The following CCDC136 variants were observed in gnomAD, a reference collection of about 807,000 sequenced individuals.
The protein encoded by CCDC136 is coiled-coil domain-containing protein 136.
CCDC136 carries 100 observed loss-of-function variants against 141.2 expected under a neutral mutation model. That is an observed-to-expected ratio of 0.71 (90% confidence interval 0.60 to 0.84). The LOEUF (loss-of-function observed/expected upper bound fraction) is 0.84, where lower values mean the gene tolerates loss of function less well. CCDC136 is among the 40% of genes least tolerant of loss of function. CCDC136 has a pLI of 0.00. For synonymous variants in CCDC136, 474 were observed against 531.9 expected (o/e 0.89, Z 1.50); for missense variants, 1,206 against 1,379.4 (o/e 0.87, Z 1.99).
At position 128,806,698 on chromosome 7, in the gene CCDC136, GC is replaced by G. The variant is rs756818195; in HGVS notation, c.1261del (p.Arg421GlyfsTer64). ...CCCCCTCTACCATAGGAGTTACTGT[GC>G]CGGCTGCAGAAGCTGCACCTCCAGC... Reference protein sequence around the residue: ...VENQSEKELLCRLQKLHLQHQ... With the variant: ...VENQSEKELLXRLQKLHLQHQ... On this transcript the variant is annotated frameshift_variant, in exon 9 of 18. Coordinates refer to ENST00000297788, the MANE Select transcript of CCDC136 (RefSeq NM_022742.5). LOFTEE classifies it high-confidence loss of function. The G allele has an allele frequency of 6.2e-7, 1 of 1,610,044 alleles. No homozygotes were observed. Among genetic ancestry groups the G allele is most frequent in the African/African-American group, 1.3e-5 (1 of 74,966 alleles).
chr7:128,813,232 C>A (rs756380880), intron 14 of CCDC136, among the ~76,000 whole-genome samples: 1 of 152,230 alleles, frequency 6.6e-6, no homozygotes, highest in Non-Finnish European at 1.5e-5. Context: ...AATCTTCTTT[C>A]ATCATTTTGT....
At chr7:128,803,466 T>C (rs565779612) in intron 4 of CCDC136, among the ~76,000 whole-genome samples, 2 of 152,072 alleles carry the variant, frequency 1.3e-5, no homozygotes, top group African/African-American at 4.8e-5. Context: ...GCCTGGGCAA[T>C]GTGGCGGAAC....
intron 3 of CCDC136, among the ~76,000 whole-genome samples, chr7:128,796,636 T>A (rs1273109935): frequency 6.6e-6 from 1 of 150,982 alleles, no homozygotes; most frequent in Admixed American, 6.6e-5. Context: ...CTCAGAACAG[T>A]GAGTCCTGTC....
At chr7:128,819,201 G>A (rs1164477411) in intron 17 of CCDC136, among the ~76,000 whole-genome samples, 4 of 152,212 alleles carry the variant, frequency 2.6e-5, no homozygotes, top group African/African-American at 4.8e-5. Flanking sequence ...GACCCAGCCC[G>A]GCCCAATCAG....
chr7:128,804,614 C>G (rs1804544699), intron 4 of CCDC136, 36 bp from the exon 5 acceptor site: 1 of 1,327,604 alleles, frequency 7.5e-7, no homozygotes, highest in South Asian at 1.3e-5. Context: ...CTTTCCTTTC[C>G]TCCCGGTCTC....
In CCDC136 at chr7:128,804,634, T is replaced by C. The variant is rs1398702426; in HGVS notation, c.671-16T>C. 1.3e-6 allele frequency: 2 copies of C among 1,493,148 alleles called. No individual in the cohort carries two copies. The highest frequency in any genetic ancestry group is 9.2e-7 in the Non-Finnish European group (1 of 1,092,300). The allele number at this position is 1,493,148 out of a possible 1,614,324, so 92.5% of individuals were successfully genotyped here. On this transcript the variant is annotated splice_polypyrimidine_tract_variant and intron_variant, in intron 4 of 17. Transcript: ENST00000297788. The stretch of plus-strand genomic sequence containing the variant: ...CTTTCCTCCCGGTCTCATCTCTCTC[T>C]GCCTGTCCTCTGCAGAAGAACTGCA...
At position 128,794,601 on chromosome 7, in the gene CCDC136, G is replaced by A. The variant is rs374903912; in HGVS notation, c.270G>A (p.Gln90=). 1 of 1,547,792 alleles carries A rather than the reference G, an allele frequency of 6.5e-7. No individual in the cohort carries two copies. The highest frequency in any genetic ancestry group is 1.4e-5 in the African/African-American group (1 of 72,940). The change falls in exon 2 of 18, where the codon CAG becomes CAA. Residue 90 remains glutamine (Q), a splice_region_variant and synonymous_variant. Transcript: ENST00000297788. This position sits in a 1 kb window ranked among gnomAD's most constrained non-coding sequence, Gnocchi z 4.3. The part of the protein sequence containing the change: ...GQHEDDSLEL[Q]GLLEDERLAS... ...ATGAGGATGACTCCTTGGAGCTACA[G>A]GGTGAGTGCCTGGGCCAGGGCCCAG...
rs910621085 is a variant in CCDC136 at position 128,794,672 on chromosome 7, A to G, written c.272-22A>G. ...GCACTCCCCTGGATCCGAGCTTGAC[A>G]CTGGTGCCCCTCTCCCTGCAGGGCT... On this transcript the variant is annotated intron_variant, in intron 2 of 17. Transcript: ENST00000297788. The surrounding 1 kb of genome is among the most constrained non-coding windows in gnomAD (Gnocchi z 4.3). 11 of 1,546,710 alleles carry G rather than the reference A, an allele frequency of 7.1e-6. No homozygotes were observed. Among genetic ancestry groups the G allele is most frequent in the East Asian group, 4.9e-5 (2 of 40,822 alleles).
At chr7:128,791,515 G>C, upstream of CCDC136, 1 of 1,294,774 alleles carries the variant, frequency 7.7e-7, no homozygotes. This position sits in a 1 kb window ranked among gnomAD's most constrained non-coding sequence, Gnocchi z 7.1. Context: ...CGCCGGAGCC[G>C]GCGCGGGAGC....
chr7:128,796,726 T>C (rs1178416752), intron 3 of CCDC136, among the ~76,000 whole-genome samples: 2 of 123,690 alleles, frequency 1.6e-5, no homozygotes, highest in East Asian at 3.0e-4. Flanking sequence ...ATTCAGAATA[T>C]ATATATATAT....
At chr7:128,811,770 A>G (rs1805755303) in intron 12 of CCDC136, 30 bp from the exon 13 acceptor site, 1 of 1,537,030 alleles carries the variant, frequency 6.5e-7, no homozygotes, top group Non-Finnish European at 8.7e-7. Context: ...TGTCAGAGTA[A>G]TGATACTGTC....
At position 128,805,424 on chromosome 7, in the gene CCDC136, A is replaced by G. The variant is rs1253120477; in HGVS notation, c.848A>G (p.Gln283Arg). ...CTGAGTATGACGTCAGCAGAGTCTCAGACTTCAGAAATGGATTTCTTAGAG... is the reference window on the plus strand; with the variant it reads ...CTGAGTATGACGTCAGCAGAGTCTCGGACTTCAGAAATGGATTTCTTAGAG... ...QTLSMTSAES[Q>R]TSEMDFLEPD... is the part of the protein sequence containing the mutation. Residue 283 changes from glutamine (Q) to arginine (R), a missense_variant, in exon 6 of 18, where the codon CAG becomes CGG. Coordinates refer to ENST00000297788, the MANE Select transcript of CCDC136 (RefSeq NM_022742.5). The surrounding 1 kb of genome is among the most constrained non-coding windows in gnomAD (Gnocchi z 4.6). The G allele has an allele frequency of 1.2e-6, 2 of 1,613,992 alleles. No individual in the cohort carries two copies. Among genetic ancestry groups the G allele is most frequent in the Non-Finnish European group, 1.7e-6 (2 of 1,179,864 alleles).
chr7:128,805,990 G>A lies in CCDC136; in HGVS notation c.1089+89G>A. Reference sequence around the variant, plus strand: ...AACCGGGGTGGGCACAGTGAGTATGGCTGTGCTCTGCTGACTCTTGCCCTG... The same window carrying A: ...AACCGGGGTGGGCACAGTGAGTATGACTGTGCTCTGCTGACTCTTGCCCTG... On this transcript the variant is annotated intron_variant, in intron 7 of 17. Transcript: ENST00000297788. The surrounding 1 kb of genome is among the most constrained non-coding windows in gnomAD (Gnocchi z 4.6). 1 of 1,431,106 alleles carries A rather than the reference G, an allele frequency of 7.0e-7. No individual in the cohort carries two copies. Among genetic ancestry groups the A allele is most frequent in the Non-Finnish European group, 9.7e-7 (1 of 1,030,902 alleles). 88.7% of individuals were successfully genotyped at this position (1,431,106 alleles called of 1,614,324 possible).
At chr7:128,795,500 G>T (rs1256728751) in intron 3 of CCDC136, among the ~76,000 whole-genome samples, 3 of 151,998 alleles carry the variant, frequency 2.0e-5, no homozygotes, top group African/African-American at 7.3e-5. Context: ...AAAAAGGAAG[G>T]CCAGGAAGCA....
chr7:128,816,012 A>G, intron 16 of CCDC136, 81 bp downstream of exon 16: 1 of 1,382,176 alleles, frequency 7.2e-7, no homozygotes, highest in Non-Finnish European at 9.8e-7. Context: ...TGGCCCTGCC[A>G]AGGATGGATA....
chr7:128,805,948 C>T lies in CCDC136; in HGVS notation c.1089+47C>T. The T allele has an allele frequency of 1.2e-6, 2 of 1,606,754 alleles. No homozygotes were observed. Among genetic ancestry groups the T allele is most frequent in the Admixed American group, 1.7e-5 (1 of 59,916 alleles). ...ATCTGGGGTGGGGGCAGAAGGGCCT[C>T]ATGGAGGGGCTGCTTCAACCGGGGT... On this transcript the variant is annotated intron_variant, in intron 7 of 17. Coordinates refer to ENST00000297788, the MANE Select transcript of CCDC136 (RefSeq NM_022742.5). This position sits in a 1 kb window ranked among gnomAD's most constrained non-coding sequence, Gnocchi z 4.6.
At position 128,807,474 on chromosome 7, in the gene CCDC136, T is replaced by C; in HGVS notation, c.1534T>C (p.Cys512Arg). The change falls in exon 10 of 18, where the codon TGC becomes CGC. Residue 512 changes from cysteine (C) to arginine (R), a missense_variant. Transcript: ENST00000297788. ...YDQLEQDLLL[C>R]QLELKELKAS... is the part of the protein sequence containing the mutation. Reference sequence around the variant, plus strand: ...CCAGCTGGAGCAGGACCTCCTGCTCTGCCAGCTGGAGCTGAAAGAGCTCAA... The same window carrying C: ...CCAGCTGGAGCAGGACCTCCTGCTCCGCCAGCTGGAGCTGAAAGAGCTCAA... The C allele has an allele frequency of 6.5e-7, 1 of 1,548,188 alleles. No homozygotes were observed. The highest frequency in any genetic ancestry group is 1.4e-5 in the African/African-American group (1 of 72,780).
chr7:128,815,693 A>G lies in CCDC136; in HGVS notation c.3125A>G (p.Glu1042Gly). 1 of 1,555,618 alleles carries G rather than the reference A, an allele frequency of 6.4e-7. No homozygotes were observed. The highest frequency in any genetic ancestry group is 8.7e-7 in the Non-Finnish European group (1 of 1,149,302). ...GLAKEEEKKE[E>G]MEEEKKQVKE... Reference sequence around the variant, plus strand: ...GCAAAAGAGGAGGAAAAGAAAGAGGAGATGGAGGAGGAAAAAAAGCAAGTG... The same window carrying G: ...GCAAAAGAGGAGGAAAAGAAAGAGGGGATGGAGGAGGAAAAAAAGCAAGTG... The change falls in exon 16 of 18, where the codon GAG (glutamate) becomes GGG (glycine). Residue 1042 changes from glutamate (E) to glycine (G), a missense_variant. Coordinates refer to ENST00000297788, the MANE Select transcript of CCDC136 (RefSeq NM_022742.5).
intron 1 of CCDC136, among the ~76,000 whole-genome samples, 199 bp downstream of exon 1, chr7:128,792,626 G>T (rs2128891397): frequency 6.6e-6 from 1 of 151,948 alleles, no homozygotes; most frequent in Non-Finnish European, 1.5e-5. Flanking sequence ...ATCCCTTCGG[G>T]ACCCCAATCA....
Sources: allele counts gnomAD v4.1 joint callset (sites outside exome capture counted in the v4.1 genomes callset), GRCh38; gene constraint gnomAD v4.1.1; non-coding constraint Gnocchi (gnomAD v3.1); transcripts MANE v1.5; gene names NCBI Gene and HGNC (gene_info 2026-07-23, HGNC 2026-07-21).